The following PCSK2 variants were observed in gnomAD, a reference collection of about 807,000 sequenced individuals.
PCSK2 encodes the protein neuroendocrine convertase 2.
PCSK2 carries 14 observed loss-of-function variants against 69.7 expected under a neutral mutation model. The ratio of observed to expected loss-of-function variants is 0.20; its 90% CI spans 0.13 to 0.31. The LOEUF is 0.31. Ranked by LOEUF, PCSK2 falls within the 10% of genes least tolerant of loss-of-function variation. PCSK2 has a pLI of 1.00. For missense variants in PCSK2, 544 were observed against 842.5 expected (o/e 0.65, Z 4.39); for synonymous variants, 307 against 320.7 (o/e 0.96, Z 0.46).
chr20:17,477,307 C>T (rs2033308560), intron 11 of PCSK2, among the ~76,000 whole-genome samples: 1 of 150,934 alleles, frequency 6.6e-6, no homozygotes, highest in African/African-American at 2.5e-5. Flanking sequence ...AAGCATTGTG[C>T]CTGGTATTTT....
chr20:17,393,724 G>A (rs2031442457), intron 5 of PCSK2, among the ~76,000 whole-genome samples: 1 of 151,988 alleles, frequency 6.6e-6, no homozygotes, highest in Non-Finnish European at 1.5e-5. Flanking sequence ...TCTAGTGTCA[G>A]TTTATTTCAT....
intron 5 of PCSK2, among the ~76,000 whole-genome samples, chr20:17,369,779 G>C (rs541856196): frequency 6.6e-6 from 1 of 152,268 alleles, no homozygotes; most frequent in South Asian, 2.1e-4. Flanking sequence ...TGAATTGAAG[G>C]GTGGAAATGA....
chr20:17,268,425 G>A (rs1987723297), intron 2 of PCSK2, among the ~76,000 whole-genome samples: 1 of 152,094 alleles, frequency 6.6e-6, no homozygotes, highest in African/African-American at 2.4e-5. Context: ...AAGCATCCAG[G>A]TTTGGCTAGT....
intron 5 of PCSK2, among the ~76,000 whole-genome samples, chr20:17,407,131 G>A (rs1295504589): frequency 1.3e-5 from 2 of 152,144 alleles, no homozygotes; most frequent in Non-Finnish European, 2.9e-5. Context: ...GGATGGAGCT[G>A]CCCCAAGCCT....
At chr20:17,272,272 A>C (rs1437250670) in intron 2 of PCSK2, among the ~76,000 whole-genome samples, 1 of 152,088 alleles carries the variant, frequency 6.6e-6, no homozygotes, top group Non-Finnish European at 1.5e-5. Context: ...GTAGTATTGC[A>C]TGCTCACTTC....
At chr20:17,441,688 A>G (rs2032599795) in intron 8 of PCSK2, among the ~76,000 whole-genome samples, 1 of 152,070 alleles carries the variant, frequency 6.6e-6, no homozygotes, top group Non-Finnish European at 1.5e-5. Context: ...ATCTCATGAG[A>G]TCTCATAAGA....
intron 2 of PCSK2, among the ~76,000 whole-genome samples, chr20:17,278,369 A>G (rs1054958201): frequency 1.3e-5 from 2 of 152,326 alleles, no homozygotes; most frequent in South Asian, 4.1e-4. Flanking sequence ...GCATATATAC[A>G]CTATGGAATA....
chr20:17,331,163 C>T (rs903842025), intron 2 of PCSK2, among the ~76,000 whole-genome samples: 3 of 152,294 alleles, frequency 2.0e-5, no homozygotes, highest in East Asian at 1.9e-4. Flanking sequence ...ACTCAAACAG[C>T]GTTCCTACTT....
In PCSK2 at chr20:17,298,869, C is replaced by A. The variant is rs1988984708; in HGVS notation, c.282+38525C>A. 2.0e-5 allele frequency among the ~76,000 whole-genome samples: 3 copies of A among 152,184 alleles called. 1 individual carries two copies. In the South Asian group the frequency reaches 6.2e-4, roughly 32 times the overall value. Reference sequence around the variant, plus strand: ...GGAATATTTTTCTTGTAGATGTTTTCCCTCATATATTTGCACATGTTACAC... The same window carrying A: ...GGAATATTTTTCTTGTAGATGTTTTACCTCATATATTTGCACATGTTACAC... On this transcript the variant is annotated intron_variant, in intron 2 of 11. Coordinates refer to ENST00000262545, the MANE Select transcript of PCSK2 (RefSeq NM_002594.5).
intron 4 of PCSK2, among the ~76,000 whole-genome samples, chr20:17,368,273 C>A (rs2030658101): frequency 6.6e-6 from 1 of 152,128 alleles, no homozygotes; most frequent in Non-Finnish European, 1.5e-5. Flanking sequence ...GCCAAGCATA[C>A]CACATGCATT....
intron 8 of PCSK2, among the ~76,000 whole-genome samples, chr20:17,439,784 GGT>G (rs1475985510): frequency 2.0e-5 from 3 of 152,174 alleles, no homozygotes; most frequent in Non-Finnish European, 4.4e-5. Flanking sequence ...CAGCGCAGTG[GGT>G]GGCCAACTTT....
At chr20:17,458,764 C>T (rs190065720) in intron 10 of PCSK2, among the ~76,000 whole-genome samples, 1 of 152,336 alleles carries the variant, frequency 6.6e-6, no homozygotes, top group Admixed American at 6.5e-5. Context: ...CTCTCCTAAC[C>T]AGTTGTCACT....
intron 2 of PCSK2, among the ~76,000 whole-genome samples, chr20:17,266,505 A>G (rs976909297): frequency 2.6e-5 from 4 of 152,238 alleles, no homozygotes; most frequent in African/African-American, 2.4e-5. Context: ...TTAACCATGC[A>G]TAAGTTCCAC....
intron 2 of PCSK2, among the ~76,000 whole-genome samples, chr20:17,309,067 G>A (rs1440697964): frequency 6.6e-6 from 1 of 152,212 alleles, no homozygotes; most frequent in African/African-American, 2.4e-5. Context: ...AGTAGACGGA[G>A]CAGTGGAGTA....
At chr20:17,478,465 G>T (rs1409796455) in intron 11 of PCSK2, among the ~76,000 whole-genome samples, 1 of 152,072 alleles carries the variant, frequency 6.6e-6, no homozygotes, top group African/African-American at 2.4e-5. Flanking sequence ...CAGTTTACCA[G>T]ATTTAATTCA....
At chr20:17,365,459 C>G (rs555462797) in intron 4 of PCSK2, among the ~76,000 whole-genome samples, 1 of 152,152 alleles carries the variant, frequency 6.6e-6, no homozygotes, top group Non-Finnish European at 1.5e-5. Flanking sequence ...ACCACCCCCC[C>G]GAAAATTTGT....
intron 6 of PCSK2, among the ~76,000 whole-genome samples, chr20:17,420,748 C>A (rs982562690): frequency 3.3e-5 from 5 of 152,114 alleles, no homozygotes; most frequent in African/African-American, 9.7e-5. Context: ...ATTATGTAGA[C>A]AAATGTAATA....
intron 5 of PCSK2, among the ~76,000 whole-genome samples, chr20:17,388,759 G>C (rs1300735885): frequency 6.6e-6 from 1 of 152,124 alleles, no homozygotes; most frequent in African/African-American, 2.4e-5. Context: ...CATTTATGAT[G>C]CTTAATCAGA....
chr20:17,322,706 G>C (rs1989908344), intron 2 of PCSK2, among the ~76,000 whole-genome samples: 1 of 152,186 alleles, frequency 6.6e-6, no homozygotes, highest in South Asian at 2.1e-4. Flanking sequence ...ATCTACCACA[G>C]GGAAGGAACA....
Sources: allele counts gnomAD v4.1 joint callset (sites outside exome capture counted in the v4.1 genomes callset), GRCh38; gene constraint gnomAD v4.1.1; transcripts MANE v1.5; gene names NCBI Gene and HGNC (gene_info 2026-07-23, HGNC 2026-07-21).